Variants in BFSP2 observed in about 807,000 individuals in gnomAD.
BFSP2 encodes the protein phakinin.
A neutral mutation model predicts 44.9 loss-of-function variants in BFSP2; 38 were observed. That is an observed-to-expected ratio of 0.85 (90% CI 0.65 to 1.11). The LOEUF is 1.11. BFSP2 is among the 50% of genes least tolerant of loss of function. The pLI is 0.00. For synonymous variants in BFSP2, 197 were observed against 209.9 expected, an observed-to-expected ratio of 0.94 and a Z score of 0.53; for missense variants, 525 against 533.0, an observed-to-expected ratio of 0.99 and a Z score of 0.15.
At chr3:133,458,926 C>G (rs2074037428) in intron 4 of BFSP2, among the ~76,000 whole-genome samples, 1 of 152,172 alleles carries the variant, frequency 6.6e-6, no homozygotes, top group Non-Finnish European at 1.5e-5. Context: ...GTGCAAGGCC[C>G]TGACTTGATG....
chr3:133,455,212 A>G (rs2074002676), intron 4 of BFSP2: 2 of 152,276 alleles, frequency 1.3e-5, no homozygotes, highest in African/African-American at 4.8e-5. Context: ...ATTGTTAGCA[A>G]GTGTTATGCA....
intron 4 of BFSP2, among the ~76,000 whole-genome samples, chr3:133,458,891 A>G (rs568338589): frequency 1.8e-4 from 28 of 152,222 alleles, no homozygotes; most frequent in African/African-American, 6.5e-4. Flanking sequence ...ATTCATTCAA[A>G]ATCTGTTTGT....
chr3:133,412,948 A>G (rs928149846), intron 1 of BFSP2, among the ~76,000 whole-genome samples: 1 of 152,218 alleles, frequency 6.6e-6, no homozygotes, highest in Non-Finnish European at 1.5e-5. Flanking sequence ...CTGGTTAGAT[A>G]CTGACGTGGA....
chr3:133,463,480 T>G (rs2074082359), intron 4 of BFSP2, among the ~76,000 whole-genome samples: 1 of 152,222 alleles, frequency 6.6e-6, no homozygotes, highest in Non-Finnish European at 1.5e-5. Context: ...GATTCCTCCC[T>G]TGGGGTGGGG....
Position 133,417,220 on chromosome 3 carries a change from ACTTACCCGTGT to A in BFSP2, c.489+16650_489+16660del, listed in dbSNP as rs1345824492. Among the ~76,000 whole-genome samples, 170 of 90,748 alleles carry A rather than the reference ACTTACCCGTGT, an allele frequency of 1.9e-3. 2 individuals carry two copies. The highest frequency in any genetic ancestry group is 7.2e-3 in the African/African-American group (159 of 22,056). The allele number at this position is 90,748 out of a possible 152,430, so 59.5% of individuals were successfully genotyped here. A position where few individuals can be genotyped will look rare whatever the true frequency, so the allele number is the denominator to read the frequency against. Reference sequence around the variant, plus strand: ...TCTAGTCACCCCGCCTCTCCCCTCTACTTACCCGTGTCCTCTCCCCTCTACTTACCCGTGTC... The same window carrying A: ...TCTAGTCACCCCGCCTCTCCCCTCTACCTCTCCCCTCTACTTACCCGTGTC... On this transcript the variant is annotated intron_variant, in intron 1 of 6. Coordinates refer to ENST00000302334, the MANE Select transcript of BFSP2 (RefSeq NM_003571.4).
intron 1 of BFSP2, among the ~76,000 whole-genome samples, chr3:133,425,430 C>T (rs2073634353): frequency 6.6e-6 from 1 of 152,194 alleles, no homozygotes; most frequent in Non-Finnish European, 1.5e-5. Context: ...GGCCCTCTCC[C>T]AAGATCCCTT....
chr3:133,409,227 G>GGTGGGTGTGT lies in BFSP2; in HGVS notation c.489+8658_489+8659insGGTGTGTGTG, dbSNP rs1553777202. 4.0e-5 allele frequency among the ~76,000 whole-genome samples: 6 copies of GGTGGGTGTGT among 148,604 alleles called. No individual in the cohort carries two copies. In the East Asian group the frequency reaches 1.2e-3, roughly 29 times the overall value. On this transcript the variant is annotated intron_variant, in intron 1 of 6. Coordinates refer to ENST00000302334, the MANE Select transcript of BFSP2 (RefSeq NM_003571.4). The stretch of plus-strand genomic sequence containing the variant: ...GCACTGGCACTGTTATTCTGACACT[G>GGTGGGTGTGT]GTGTGTGTGTGTGTGTGTGTGTGTG...
Position 133,466,926 on chromosome 3 carries a change from C to A in BFSP2, c.990C>A (p.Ser330Arg). Residue 330 changes from serine (S) to arginine (R), a missense_variant, in exon 5 of 7, where the codon AGC becomes AGA. Coordinates refer to ENST00000302334, the MANE Select transcript of BFSP2 (RefSeq NM_003571.4). ...ACAACACTTCGTGCCAAGTCCAGAG[C>A]CTCCAGGCTGAGACAGAATCCTTAC... ...ELHNTSCQVQ[S>R]LQAETESLRA... 6.2e-7 allele frequency: 1 copy of A among 1,614,090 alleles called. No individual in the cohort carries two copies. Among genetic ancestry groups the A allele is most frequent in the African/African-American group, 1.3e-5 (1 of 75,024 alleles).
At chr3:133,422,165 C>G (rs1342851676) in intron 1 of BFSP2, among the ~76,000 whole-genome samples, 2 of 150,490 alleles carry the variant, frequency 1.3e-5, no homozygotes, top group Non-Finnish European at 2.9e-5. Flanking sequence ...CTATTGGGGT[C>G]CAGAAAGGAA....
At chr3:133,406,747 G>C (rs2073407885) in intron 1 of BFSP2, among the ~76,000 whole-genome samples, 1 of 152,136 alleles carries the variant, frequency 6.6e-6, no homozygotes, top group Non-Finnish European at 1.5e-5. Flanking sequence ...TCGTTGGTTA[G>C]AGGCAGTAGT....
rs757058933 is a variant in BFSP2, at chr3:133,450,418, A to G, written c.845A>G (p.Asp282Gly). 17 of 1,614,114 alleles carry G rather than the reference A, an allele frequency of 1.1e-5. No homozygotes were observed. Among genetic ancestry groups the G allele is most frequent in the Non-Finnish European group, 1.4e-5 (16 of 1,179,986 alleles). The change falls in exon 4 of 7, where the codon GAT becomes GGT. Residue 282 changes from aspartate (D) to glycine (G), a missense_variant. Coordinates refer to ENST00000302334, the MANE Select transcript of BFSP2 (RefSeq NM_003571.4). The stretch of plus-strand genomic sequence containing the variant: ...ACGATCAGAATTCAGTGGGAGAGAG[A>G]TGTTGAAAAGAACCGGGTGGAGGCA... ...LETIRIQWER[D>G]VEKNRVEAGA...
At chr3:133,421,620 G>T (rs1459744632) in intron 1 of BFSP2, among the ~76,000 whole-genome samples, 1 of 152,220 alleles carries the variant, frequency 6.6e-6, no homozygotes, top group Non-Finnish European at 1.5e-5. Context: ...GGTACTGGGG[G>T]TCAGGACTGC....
chr3:133,453,823 A>AT (rs1482414547), intron 4 of BFSP2, among the ~76,000 whole-genome samples: 9 of 152,178 alleles, frequency 5.9e-5, no homozygotes, highest in Admixed American at 1.3e-4. Context: ...AATTCTGTTT[A>AT]TTTTTTCAGT....
At chr3:133,436,631 G>A (rs1041979074) in intron 1 of BFSP2, among the ~76,000 whole-genome samples, 10 of 152,174 alleles carry the variant, frequency 6.6e-5, no homozygotes, top group Admixed American at 5.2e-4. Context: ...TATACTTTAA[G>A]TTCTAGGGTA....
chr3:133,440,874 T>C (rs2073838397), intron 1 of BFSP2, among the ~76,000 whole-genome samples: 1 of 152,112 alleles, frequency 6.6e-6, no homozygotes, highest in African/African-American at 2.4e-5. Flanking sequence ...CTCAGAAGTG[T>C]ATTGTGGCTT....
chr3:133,400,246 G>A lies in BFSP2; in HGVS notation c.163G>A (p.Gly55Arg), dbSNP rs756829125. 44 of 1,613,786 alleles carry A rather than the reference G, an allele frequency of 2.7e-5. No homozygotes were observed. The South Asian group carries it at 3.2e-4, about 12-fold the overall frequency. The change falls in exon 1 of 7, where the codon GGG becomes AGG. Residue 55 changes from glycine (G) to arginine (R), a missense_variant. Coordinates refer to ENST00000302334, the MANE Select transcript of BFSP2 (RefSeq NM_003571.4). This position sits in a 1 kb window ranked among gnomAD's most constrained non-coding sequence, Gnocchi z 4.0. ...NAMSGLVRAPGVYVGTAPSGC... is the reference protein window; with the variant it reads ...NAMSGLVRAPRVYVGTAPSGC... ...CATGAGTGGCCTTGTCCGAGCACCCGGGGTCTATGTAGGAACAGCACCCAG... is the reference window on the plus strand; with the variant it reads ...CATGAGTGGCCTTGTCCGAGCACCCAGGGTCTATGTAGGAACAGCACCCAG...
intron 1 of BFSP2, among the ~76,000 whole-genome samples, chr3:133,402,011 T>G (rs530260538): frequency 6.6e-6 from 1 of 152,300 alleles, no homozygotes; most frequent in South Asian, 2.1e-4. Flanking sequence ...AGAGCCATCT[T>G]AGAACAGTCC....
intron 1 of BFSP2, among the ~76,000 whole-genome samples, chr3:133,439,579 A>C (rs904916936): frequency 3.9e-5 from 6 of 152,212 alleles, no homozygotes. Flanking sequence ...CCAGGGTTTG[A>C]AGGATGGATA....
intron 1 of BFSP2, among the ~76,000 whole-genome samples, chr3:133,414,147 C>T (rs1232549160): frequency 7.6e-6 from 1 of 131,628 alleles, no homozygotes; most frequent in African/African-American, 3.0e-5. Context: ...CTTACTCACC[C>T]CTGCCCTTTC....
Sources: gnomAD v4.1 joint callset for allele counts (sites outside exome capture counted in the v4.1 genomes callset) on GRCh38, gnomAD v4.1.1 for gene constraint, Gnocchi (gnomAD v3.1) non-coding constraint, MANE v1.5 for transcripts, NCBI Gene and HGNC (gene_info 2026-07-23, HGNC 2026-07-21) for gene names.